The following SLC1A3 variants were observed in gnomAD, a reference collection of about 807,000 sequenced individuals.
SLC1A3 encodes the protein solute carrier family 1 member 3, also known as excitatory amino acid transporter 1.
Under a neutral mutation model 48.1 loss-of-function variants are expected in SLC1A3, and 21 were observed. The observed-to-expected ratio is 0.44, with a 90% CI of 0.31 to 0.63. SLC1A3 has a LOEUF of 0.63. Among genes scored for constraint, SLC1A3 ranks in the 20% least tolerant of loss-of-function variants. The pLI is 0.08. For synonymous variants in SLC1A3, 239 were observed against 251.4 expected (o/e 0.95, Z 0.47); for missense variants, 546 against 689.0 (o/e 0.79, Z 2.32).
Position 36,686,263 on chromosome 5 carries a change from G to T in SLC1A3, c.1623G>T (p.Lys541Asn). 2 of 1,609,952 alleles carry T rather than the reference G, an allele frequency of 1.2e-6. No individual in the cohort carries two copies. Among genetic ancestry groups the T allele is most frequent in the Non-Finnish European group, 1.7e-6 (2 of 1,176,106 alleles). ...ETEKPIDSET[K>N]M ...AGAAACCCATCGACAGTGAAACCAA[G>T]ATGTAGACTAACATAAAGAAACACT... The change falls in exon 10 of 10, where the codon AAG (lysine) becomes AAT (asparagine). Residue 541 changes from lysine to asparagine, a missense_variant. Lys to Asn is a moderately conservative substitution (Grantham distance 94). This residue lies in a region of SLC1A3 where 56 missense variants were observed against 59.0 expected (regional missense o/e 0.95). Transcript: ENST00000265113.
intron 2 of SLC1A3, among the ~76,000 whole-genome samples, chr5:36,624,179 G>C (rs1739807891): frequency 6.6e-6 from 1 of 152,208 alleles, no homozygotes; most frequent in African/African-American, 2.4e-5. Context: ...TCAGCAGTGA[G>C]TTGAGAAAAG....
chr5:36,670,321 G>A (rs1011398630), intron 3 of SLC1A3, among the ~76,000 whole-genome samples: 1 of 152,150 alleles, frequency 6.6e-6, no homozygotes, highest in Non-Finnish European at 1.5e-5. Flanking sequence ...ACAAAGTAGA[G>A]GAAGACAGGG....
At chr5:36,611,362 T>G (rs1739189424) in intron 2 of SLC1A3, among the ~76,000 whole-genome samples, 1 of 149,144 alleles carries the variant, frequency 6.7e-6, no homozygotes, top group Non-Finnish European at 1.5e-5. Context: ...TTTTTTTGCC[T>G]TTTTGAAATA....
Position 36,601,281 on chromosome 5 carries a change from T to G in SLC1A3, c.-96+4603T>G, listed in dbSNP as rs147451405. The stretch of plus-strand genomic sequence containing the variant: ...AGCTTCCTTTGGTACTGTATTATGT[T>G]TGTGTTTAATTTGTGGCAGGGAAAT... On this transcript the variant is annotated intron_variant, in intron 1 of 9. Transcript: ENST00000680318. Among the ~76,000 whole-genome samples the G allele has an allele frequency of 2.3e-3, 356 of 152,362 alleles. 2 individuals carry two copies. Among genetic ancestry groups the G allele is most frequent in the African/African-American group, 8.3e-3 (344 of 41,580 alleles).
chr5:36,680,822 C>A (rs1742413349), intron 8 of SLC1A3, among the ~76,000 whole-genome samples: 1 of 151,258 alleles, frequency 6.6e-6, no homozygotes, highest in African/African-American at 2.4e-5. Flanking sequence ...GAGGCTGAAG[C>A]AGGAGAATTG....
chr5:36,621,671 C>CAGGATCACACGGGGAGTTAAGGGCTAGGA (rs1163786825), intron 2 of SLC1A3, among the ~76,000 whole-genome samples: 4 of 152,140 alleles, frequency 2.6e-5, no homozygotes, highest in Non-Finnish European at 5.9e-5. Flanking sequence ...TAGAGTTATC[C>CAGGATCACACGGGGAGTTAAGGGCTAGGA]AGGATCACAC....
At chr5:36,604,404 A>G (rs16903188), upstream of SLC1A3, among the ~76,000 whole-genome samples, 5,954 of 152,238 alleles carry the variant, frequency 0.039, 260 homozygotes, top group African/African-American at 0.11. Flanking sequence ...AGGTAGAAAT[A>G]CGCGTTGAGG....
intron 3 of SLC1A3, among the ~76,000 whole-genome samples, chr5:36,634,763 A>G (rs1057112008): frequency 2.6e-5 from 4 of 152,226 alleles, no homozygotes; most frequent in African/African-American, 9.6e-5. Context: ...TTTCAAATCT[A>G]TAGACCAACA....
chr5:36,617,415 CTTTTTTTTT>C (rs34710652), intron 2 of SLC1A3, among the ~76,000 whole-genome samples: 1 of 57,676 alleles, frequency 1.7e-5, no homozygotes, highest in Non-Finnish European at 3.1e-5. Flanking sequence ...AGGTTGCGGG[CTTTTTTTTT>C]TTTTTTTTTT....
At chr5:36,673,921 T>C in intron 4 of SLC1A3, 128 bp from the exon 5 acceptor site, 1 of 776,096 alleles carries the variant, frequency 1.3e-6, no homozygotes, top group African/African-American at 1.7e-5. Context: ...TAAAATCCAC[T>C]AACATTTTTG....
intron 5 of SLC1A3, among the ~76,000 whole-genome samples, chr5:36,675,781 T>G (rs1742181590): frequency 6.6e-6 from 1 of 152,222 alleles, no homozygotes; most frequent in Non-Finnish European, 1.5e-5. Context: ...TCCATAGTAT[T>G]GACAGCTGGC....
chr5:36,659,475 A>ATG (rs1741418715), intron 3 of SLC1A3, among the ~76,000 whole-genome samples: 1 of 152,236 alleles, frequency 6.6e-6, no homozygotes, highest in Non-Finnish European at 1.5e-5. Context: ...TTATTAAGGC[A>ATG]TCACGTATGT....
At position 36,612,769 on chromosome 5, in the gene SLC1A3, C is replaced by T. The variant is rs1309039383; in HGVS notation, c.181+4165C>T. ...AGATGAAAAAACTGAAGCCCAAATC[C>T]TTACCACACAGCTGATGAATACTGA... On this transcript the variant is annotated intron_variant, in intron 2 of 9. Coordinates refer to ENST00000265113, the MANE Select transcript of SLC1A3 (RefSeq NM_004172.5). 1.3e-5 allele frequency: 6 copies of T among 455,798 alleles called. No individual in the cohort carries two copies. In the East Asian group the frequency reaches 4.2e-4, roughly 32 times the overall value. The allele number at this position is 455,798 out of a possible 1,614,324, so 28.2% of individuals were successfully genotyped here.
At chr5:36,628,647 C>A (rs1301008010) in intron 2 of SLC1A3, among the ~76,000 whole-genome samples, 1 of 152,060 alleles carries the variant, frequency 6.6e-6, no homozygotes. Context: ...ACACCAATAC[C>A]TTTATTAATT....
chr5:36,684,430 T>C (rs1327596802), intron 9 of SLC1A3, among the ~76,000 whole-genome samples: 1 of 152,132 alleles, frequency 6.6e-6, no homozygotes, highest in Non-Finnish European at 1.5e-5. Context: ...CCTAGCCCAA[T>C]AGGGTGAGGC....
chr5:36,682,206 C>T (rs562570604), intron 8 of SLC1A3, among the ~76,000 whole-genome samples: 3 of 152,308 alleles, frequency 2.0e-5, no homozygotes, highest in South Asian at 2.1e-4. Context: ...TTCAAATCCA[C>T]ATTTATGGCC....
chr5:36,602,645 C>T (rs189346066), upstream of SLC1A3, among the ~76,000 whole-genome samples: 2 of 152,288 alleles, frequency 1.3e-5, no homozygotes, highest in African/African-American at 2.4e-5. Context: ...TTTTTTAAGG[C>T]ATCATTATGT....
intron 3 of SLC1A3, chr5:36,636,519 T>TTTTCTTTCTTTCTC (rs1740390832): frequency 6.6e-6 from 1 of 150,556 alleles, no homozygotes; most frequent in Non-Finnish European, 1.5e-5. Context: ...CTTTCTTTCT[T>TTTTCTTTCTTTCTC]TCTCTCTCTT....
chr5:36,679,907 C>T (rs1580045347), intron 7 of SLC1A3, 47 bp downstream of exon 7: 6 of 1,363,858 alleles, frequency 4.4e-6, no homozygotes, highest in Non-Finnish European at 6.3e-6. Context: ...TACCTTGAAC[C>T]AGGGCCCCTC....
Sources: gnomAD v4.1 joint callset for allele counts (sites outside exome capture counted in the v4.1 genomes callset) on GRCh38, gnomAD v4.1.1 for gene constraint, gnomAD v4.1.1 regional missense constraint, MANE v1.5 for transcripts, NCBI Gene and HGNC (gene_info 2026-07-23, HGNC 2026-07-21) for gene names.